ZNF212: variants seen among roughly 807,000 people sequenced by gnomAD.
ZNF212 encodes Zinc finger protein C2H2-150.
In ZNF212, 32 loss-of-function variants were observed where a neutral mutation model predicts 47.3. That is an observed-to-expected ratio of 0.68 (90% CI 0.51 to 0.91). ZNF212 has a LOEUF of 0.91. ZNF212 is among the 40% of genes least tolerant of loss of function. The pLI, the probability that ZNF212 is intolerant of heterozygous loss-of-function variation, is 0.00. For synonymous variants in ZNF212, 242 were observed against 253.8 expected (o/e 0.95, Z 0.44); for missense variants, 555 against 622.8 (o/e 0.89, Z 1.16).
intron 1 of ZNF212, among the ~76,000 whole-genome samples, chr7:149,243,131 C>T (rs543579817): frequency 1.2e-4 from 18 of 152,268 alleles, no homozygotes; most frequent in Admixed American, 2.6e-4. Context: ...TGGTGGCTCA[C>T]GCCTGTAATC....
Position 149,254,208 on chromosome 7 carries a change from C to A in ZNF212, c.1281C>A (p.Leu427=). Residue 427 remains leucine (L), a synonymous_variant, in exon 5 of 5, where the codon CTC becomes CTA. Coordinates refer to ENST00000335870, the MANE Select transcript of ZNF212 (RefSeq NM_012256.4). This position sits in a 1 kb window ranked among gnomAD's most constrained non-coding sequence, Gnocchi z 4.5. ...CTTGGAGGAAAAGCCGGAGTTCCCT[C>A]ATCTGTGGTTACTGTGGCAAGAGCT... is the stretch of plus-strand genomic sequence containing the variant. ...HIPWRKSRSS[L]ICGYCGKSFS... is the part of the protein sequence containing the mutation. The A allele has an allele frequency of 6.2e-7, 1 of 1,614,262 alleles. No individual in the cohort carries two copies. Among genetic ancestry groups the A allele is most frequent in the Admixed American group, 1.7e-5 (1 of 60,038 alleles).
chr7:149,251,491 C>CTTTTTTTT (rs71194634), intron 3 of ZNF212, among the ~76,000 whole-genome samples: 55 of 77,432 alleles, frequency 7.1e-4, no homozygotes, highest in Non-Finnish European at 9.0e-4. Context: ...CCTGTTTTAT[C>CTTTTTTTT]TTTTTTTTTT....
At chr7:149,251,180 C>CT (rs749364167) in intron 3 of ZNF212, 2,611 of 237,910 alleles carry the variant, frequency 0.011, 8 homozygotes, top group African/African-American at 0.02. Context: ...TTTATTTTAT[C>CT]TTTTTTTTTT....
intron 1 of ZNF212, among the ~76,000 whole-genome samples, 173 bp from the exon 2 acceptor site, chr7:149,249,986 C>T (rs1018304128): frequency 6.6e-6 from 1 of 152,150 alleles, no homozygotes; most frequent in Admixed American, 6.5e-5. Flanking sequence ...TATTCTTCAT[C>T]ATTTTCCAAC....
chr7:149,253,780 G>T lies in ZNF212; in HGVS notation c.853G>T (p.Val285Leu). ...TAGAGTTCCTAGCAGCAGCAGAACT[G>T]TGGGCTGCCCGAAGCAGAAATCTCA... Reference protein sequence around the residue: ...GSRVPSSSRTVGCPKQKSHRQ... With the variant: ...GSRVPSSSRTLGCPKQKSHRQ... Residue 285 changes from valine (V) to leucine (L), a missense_variant, in exon 5 of 5, where the codon GTG becomes TTG. By Grantham distance (32) the Val-to-Leu change is conservative (BLOSUM62 1). Transcript: ENST00000335870. The T allele has an allele frequency of 6.2e-6, 10 of 1,614,110 alleles. No individual in the cohort carries two copies. The highest frequency in any genetic ancestry group is 8.5e-6 in the Non-Finnish European group (10 of 1,179,958).
chr7:149,242,107 G>A (rs1289710874), intron 1 of ZNF212, among the ~76,000 whole-genome samples: 1 of 140,646 alleles, frequency 7.1e-6, no homozygotes, highest in Non-Finnish European at 1.5e-5. Flanking sequence ...TGAAACCTCT[G>A]CCTCCCAGGT....
At chr7:149,253,093 C>T (rs1796781984) in intron 4 of ZNF212, among the ~76,000 whole-genome samples, 1 of 152,044 alleles carries the variant, frequency 6.6e-6, no homozygotes, top group South Asian at 2.1e-4. Context: ...TATGTCAGAG[C>T]TTCAGGAGGG....
intron 1 of ZNF212, among the ~76,000 whole-genome samples, chr7:149,243,992 A>G (rs1303538217): frequency 3.9e-5 from 6 of 152,182 alleles, no homozygotes; most frequent in East Asian, 1.9e-4. Flanking sequence ...GAGTGGTGCA[A>G]TCTTGGCTCA....
At position 149,253,738 on chromosome 7, in the gene ZNF212, G is replaced by C. The variant is rs779823745; in HGVS notation, c.811G>C (p.Glu271Gln). Residue 271 changes from glutamate to glutamine, a missense_variant, in exon 5 of 5, where the codon GAG (glutamate) becomes CAG (glutamine). By Grantham distance (29) the Glu-to-Gln change is conservative (BLOSUM62 2). Transcript: ENST00000335870. The part of the protein sequence containing the change: ...LETGPGDSTL[E>Q]EPVGSRVPSS... ...AACAGGTCCTGGGGACTCTACTCTA[G>C]AGGAGCCTGTTGGTAGTAGAGTTCC... The C allele has an allele frequency of 1.5e-5, 24 of 1,613,996 alleles. No homozygotes were observed. The highest frequency in any genetic ancestry group is 1.9e-5 in the Non-Finnish European group (23 of 1,179,974).
chr7:149,248,842 G>A (rs191122198), intron 1 of ZNF212, among the ~76,000 whole-genome samples: 1 of 152,348 alleles, frequency 6.6e-6, no homozygotes, highest in East Asian at 1.9e-4. Context: ...TGAATTAACT[G>A]ACTTGAGTAA....
intron 1 of ZNF212, among the ~76,000 whole-genome samples, chr7:149,243,908 A>G (rs1796636931): frequency 6.6e-6 from 1 of 152,076 alleles, no homozygotes; most frequent in South Asian, 2.1e-4. Flanking sequence ...AGCTAGTATG[A>G]TTGAGGAACT....
At chr7:149,240,382 A>ACCCCCCCCCCCACCCCCCCCCCCC (rs71194632) in intron 1 of ZNF212, among the ~76,000 whole-genome samples, 1 of 109,356 alleles carries the variant, frequency 9.1e-6, no homozygotes, top group African/African-American at 3.5e-5. Context: ...TCTCTCCTTC[A>ACCCCCCCCCCCACCCCCCCCCCCC]CCCCCCCCCC....
In ZNF212 at chr7:149,250,202, TTCC is replaced by T. The variant is rs749811764; in HGVS notation, c.70_72del (p.Pro24del). The T allele has an allele frequency of 9.6e-6, 15 of 1,564,658 alleles. No individual in the cohort carries two copies. The highest frequency in any genetic ancestry group is 1.0e-5 in the Non-Finnish European group (12 of 1,156,138). On this transcript the variant is annotated inframe_deletion, in exon 2 of 5. Coordinates refer to ENST00000335870, the MANE Select transcript of ZNF212 (RefSeq NM_012256.4). ...TCCACACCTTTAACTTCTTCCACACTTCCTTCACAAGCAACAGAGAAAAGCTCC... is the reference window on the plus strand; with the variant it reads ...TCCACACCTTTAACTTCTTCCACACTTTCACAAGCAACAGAGAAAAGCTCC...
chr7:149,241,498 G>A (rs188698997), intron 1 of ZNF212, among the ~76,000 whole-genome samples: 30 of 150,706 alleles, frequency 2.0e-4, no homozygotes, highest in African/African-American at 7.3e-4. Flanking sequence ...TGAATCTGTC[G>A]TTGTAGAACT....
chr7:149,240,703 C>A (rs1052865244), intron 1 of ZNF212, among the ~76,000 whole-genome samples: 5 of 152,140 alleles, frequency 3.3e-5, no homozygotes, highest in African/African-American at 9.7e-5. Flanking sequence ...ACGGAAGGGG[C>A]AGCTGGAATT....
chr7:149,250,171 C>G lies in ZNF212; in HGVS notation c.37C>G (p.Arg13Gly). 3.3e-6 allele frequency: 5 copies of G among 1,527,278 alleles called. No individual in the cohort carries two copies. The highest frequency in any genetic ancestry group is 4.4e-6 in the Non-Finnish European group (5 of 1,140,202). 94.6% of individuals were successfully genotyped at this position (1,527,278 alleles called of 1,614,324 possible). ...TTTAATCCATCAGCACAGGAGAAAA[C>G]GACGCTCCACACCTTTAACTTCTTC... Reference protein sequence around the residue: ...ESAPARHRRKRRSTPLTSSTL... With the variant: ...ESAPARHRRKGRSTPLTSSTL... The change falls in exon 2 of 5, where the codon CGA becomes GGA. Residue 13 changes from arginine (R) to glycine (G), a missense_variant. Physicochemically the swap from Arg to Gly is moderately radical, Grantham distance 125. Coordinates refer to ENST00000335870, the MANE Select transcript of ZNF212 (RefSeq NM_012256.4).
intron 1 of ZNF212, among the ~76,000 whole-genome samples, chr7:149,245,364 A>AG (rs1438858633): frequency 6.6e-6 from 1 of 151,302 alleles, no homozygotes; most frequent in Non-Finnish European, 1.5e-5. Context: ...TCTCAGAAAA[A>AG]AAAAAAAAAA....
At chr7:149,246,304 A>G (rs1796675556) in intron 1 of ZNF212, among the ~76,000 whole-genome samples, 1 of 152,244 alleles carries the variant, frequency 6.6e-6, no homozygotes, top group African/African-American at 2.4e-5. Context: ...AAATTTTGAC[A>G]AATGTGTAGC....
rs115471050 is a variant in ZNF212 at position 149,243,663 on chromosome 7, A to G, written c.24+3861A>G. ...CTAGATACAAAATTTCTAAACCTGT[A>G]TGCACCTAATTACATAGCCTAAAAA... On this transcript the variant is annotated intron_variant, in intron 1 of 4. Transcript: ENST00000335870. Among the ~76,000 whole-genome samples, 447 of 152,286 alleles carry G rather than the reference A, an allele frequency of 2.9e-3. 2 individuals are homozygous for G. Among genetic ancestry groups the G allele is most frequent in the African/African-American group, 0.01 (427 of 41,560 alleles).
Sources: gnomAD v4.1 joint callset for allele counts (sites outside exome capture counted in the v4.1 genomes callset) on GRCh38, gnomAD v4.1.1 for gene constraint, Gnocchi (gnomAD v3.1) non-coding constraint, MANE v1.5 for transcripts, NCBI Gene and HGNC (gene_info 2026-07-23, HGNC 2026-07-21) for gene names.